Variants in LRFN5 observed in about 807,000 individuals in gnomAD.
The protein encoded by LRFN5 is leucine-rich repeat and fibronectin type-III domain-containing protein 5.
A neutral mutation model predicts 45.6 loss-of-function variants in LRFN5; 24 were observed. That is an observed-to-expected ratio of 0.53 (90% CI 0.38 to 0.74). The LOEUF (loss-of-function observed/expected upper bound fraction) is 0.74. LRFN5 is among the 30% of genes least tolerant of loss of function. The pLI is 0.00. For missense variants in LRFN5, 776 were observed against 861.5 expected, an observed-to-expected ratio of 0.90 and a Z score of 1.24; for synonymous variants, 340 against 313.8, an observed-to-expected ratio of 1.08 and a Z score of -0.88.
chr14:41,756,969 T>C (rs1885418272), intron 1 of LRFN5, among the ~76,000 whole-genome samples: 1 of 152,230 alleles, frequency 6.6e-6, no homozygotes, highest in South Asian at 2.1e-4. Context: ...TAGCTTTCCT[T>C]CTAACTGTCA....
chr14:41,891,171 T>A lies in LRFN5; in HGVS notation c.1386-79T>A, dbSNP rs113893636. ...GTACTTAATGATACTGAAATGACAC[T>A]GAACTAAAGTCATAATGACTTTCTG... On this transcript the variant is annotated intron_variant, in intron 3 of 5. Transcript: ENST00000298119. The A allele has an allele frequency of 5.6e-4, 609 of 1,086,070 alleles. 3 individuals carry two copies. The African/African-American group carries it at 8.2e-3, about 15-fold the overall frequency. 67.3% of individuals were successfully genotyped at this position (1,086,070 alleles called of 1,614,324 possible).
At chr14:41,845,978 A>T (rs1039036913) in intron 2 of LRFN5, among the ~76,000 whole-genome samples, 1 of 152,194 alleles carries the variant, frequency 6.6e-6, no homozygotes, top group Non-Finnish European at 1.5e-5. Context: ...TTGTTTCAGA[A>T]AGAAAACCAA....
chr14:41,735,919 T>C (rs1257500256), intron 1 of LRFN5, among the ~76,000 whole-genome samples: 1 of 152,186 alleles, frequency 6.6e-6, no homozygotes, highest in African/African-American at 2.4e-5. Flanking sequence ...TCCATGTCTC[T>C]GAAAAGGACA....
At chr14:41,856,672 A>ATTATTATTATTTTTTTTTTTTTTTTTTTT (rs1555326971) in intron 2 of LRFN5, among the ~76,000 whole-genome samples, 1 of 5,984 alleles carries the variant, frequency 1.7e-4, no homozygotes, top group African/African-American at 2.8e-4. Flanking sequence ...TATTATTATT[A>ATTATTATTATTTTTTTTTTTTTTTTTTTT]TTATTTTTTT....
At chr14:41,721,202 CT>C (rs911682538) in intron 1 of LRFN5, among the ~76,000 whole-genome samples, 6 of 151,878 alleles carry the variant, frequency 4.0e-5, no homozygotes, top group South Asian at 2.1e-4. Flanking sequence ...ATAGCAACTC[CT>C]TTTTTTTCCA....
At chr14:41,865,940 A>G (rs1889824966) in intron 2 of LRFN5, among the ~76,000 whole-genome samples, 1 of 152,196 alleles carries the variant, frequency 6.6e-6, no homozygotes, top group Non-Finnish European at 1.5e-5. Flanking sequence ...AGTCATTTAT[A>G]TGTTCTTGAA....
chr14:41,674,182 G>A (rs1214843121), intron 1 of LRFN5, among the ~76,000 whole-genome samples: 1 of 139,198 alleles, frequency 7.2e-6, no homozygotes, highest in African/African-American at 2.7e-5. Flanking sequence ...CCCAGACGGG[G>A]CGGCTGGCCG....
At chr14:41,779,347 T>A (rs977402424) in intron 2 of LRFN5, among the ~76,000 whole-genome samples, 2 of 151,902 alleles carry the variant, frequency 1.3e-5, no homozygotes, top group African/African-American at 4.8e-5. Flanking sequence ...TGGTGTATAA[T>A]TTTTCATCCA....
At chr14:41,838,527 A>C (rs769849563) in intron 2 of LRFN5, among the ~76,000 whole-genome samples, 5 of 152,208 alleles carry the variant, frequency 3.3e-5, no homozygotes, top group Non-Finnish European at 7.4e-5. Context: ...AGACATAAGA[A>C]GAGTAGGAAC....
chr14:41,756,126 G>A (rs1885367572), intron 1 of LRFN5, among the ~76,000 whole-genome samples: 1 of 152,248 alleles, frequency 6.6e-6, no homozygotes, highest in African/African-American at 2.4e-5. Flanking sequence ...AGTATCTGCC[G>A]AGAGATCAGC....
intron 1 of LRFN5, among the ~76,000 whole-genome samples, chr14:41,743,280 A>G (rs1884783819): frequency 6.6e-6 from 1 of 152,152 alleles, no homozygotes; most frequent in African/African-American, 2.4e-5. Context: ...CCCTACCTTC[A>G]CTTAAGCCAG....
chr14:41,852,141 T>A (rs1393086100), intron 2 of LRFN5, among the ~76,000 whole-genome samples: 1 of 151,920 alleles, frequency 6.6e-6, no homozygotes, highest in Non-Finnish European at 1.5e-5. Flanking sequence ...CCATTTTCAG[T>A]CTTCTTTTAA....
chr14:41,764,162 T>TA (rs1289607004), intron 1 of LRFN5, among the ~76,000 whole-genome samples: 1 of 152,110 alleles, frequency 6.6e-6, no homozygotes, highest in Non-Finnish European at 1.5e-5. Flanking sequence ...ATAGAATCCT[T>TA]ATGGATTTTT....
At chr14:41,829,352 C>G (rs1375796568) in intron 2 of LRFN5, among the ~76,000 whole-genome samples, 1 of 151,432 alleles carries the variant, frequency 6.6e-6, no homozygotes, top group Non-Finnish European at 1.5e-5. Context: ...ATCATGAGTA[C>G]TCAAATCCAC....
intron 2 of LRFN5, among the ~76,000 whole-genome samples, chr14:41,825,216 A>G (rs1430175466): frequency 1.3e-5 from 2 of 152,170 alleles, no homozygotes; most frequent in African/African-American, 4.8e-5. Context: ...TGTCACCCTT[A>G]ATAGACCTGG....
At chr14:41,667,060 G>C (rs1481944943) in intron 1 of LRFN5, among the ~76,000 whole-genome samples, 1 of 152,022 alleles carries the variant, frequency 6.6e-6, no homozygotes, top group African/African-American at 2.4e-5. Context: ...TTAACAATTA[G>C]AGCAAAAGCT....
At chr14:41,763,123 G>T (rs1401178233) in intron 1 of LRFN5, among the ~76,000 whole-genome samples, 1 of 152,128 alleles carries the variant, frequency 6.6e-6, no homozygotes, top group Non-Finnish European at 1.5e-5. Context: ...TTTTCTAAGG[G>T]TAACAAAACT....
intron 1 of LRFN5, among the ~76,000 whole-genome samples, chr14:41,637,551 C>T (rs1879363326): frequency 6.6e-6 from 1 of 152,096 alleles, no homozygotes; most frequent in Non-Finnish European, 1.5e-5. Context: ...TATCACAGCG[C>T]AGTAGTTAGA....
At position 41,607,694 on chromosome 14, in the gene LRFN5, G is replaced by C. The variant is rs903871069; in HGVS notation, c.-1065G>C. ...CCATTTTCCTGGCTGGATTTGGAGC[G>C]GCTGCTGGGCTGTGGACCCAGGTGT... On this transcript the variant is annotated 5_prime_UTR_variant, in exon 1 of 6. Transcript: ENST00000298119. 6.6e-5 allele frequency: 10 copies of C among 152,290 alleles called. No homozygotes were observed. The highest frequency in any genetic ancestry group is 2.0e-4 in the Admixed American group (3 of 15,274). The allele number at this position is 152,290 out of a possible 1,614,324, so 9.4% of individuals were successfully genotyped here.
Sources: gnomAD v4.1 joint callset for allele counts (sites outside exome capture counted in the v4.1 genomes callset) on GRCh38, gnomAD v4.1.1 for gene constraint, MANE v1.5 for transcripts, NCBI Gene and HGNC (gene_info 2026-07-23, HGNC 2026-07-21) for gene names.